Variants in LRRC37A2 observed in about 807,000 individuals in gnomAD.
The protein encoded by LRRC37A2 is leucine rich repeat containing 37 member A2.
LRRC37A2 carries 9 observed loss-of-function variants against 68.8 expected under a neutral mutation model. The observed-to-expected ratio is 0.13, with a 90% CI of 0.08 to 0.23. LRRC37A2 has a LOEUF of 0.23. LRRC37A2 is among the 10% of genes least tolerant of loss of function. The probability of loss-of-function intolerance (pLI) is 1.00; values close to 1 mark genes in which losing one functional copy is unlikely to be tolerated. For missense variants in LRRC37A2, 168 were observed against 950.4 expected (o/e 0.18, Z 10.82); for synonymous variants, 63 against 367.6 (o/e 0.17, Z 9.48).
At chr17:46,875,163 C>T in the LRRC37A2 span, 70 of 1,613,918 alleles carry the variant, frequency 4.3e-5, no homozygotes, top group Non-Finnish European at 5.5e-5. Flanking sequence ...CACCCTGGCC[C>T]GGGCCTGCAG....
the LRRC37A2 span, among the ~76,000 whole-genome samples, chr17:46,754,661 G>T: frequency 6.6e-6 from 1 of 152,146 alleles, no homozygotes; most frequent in Admixed American, 6.5e-5. Context: ...TAATAATAAC[G>T]ACCTGAACGA....
At chr17:47,026,447 A>G in the LRRC37A2 span, among the ~76,000 whole-genome samples, 1 of 152,122 alleles carries the variant, frequency 6.6e-6, no homozygotes, top group South Asian at 2.1e-4. Context: ...TCAGTTCTGG[A>G]CTCCACCCTC....
At chr17:46,810,029 A>G in the LRRC37A2 span, among the ~76,000 whole-genome samples, 12 of 131,714 alleles carry the variant, frequency 9.1e-5, no homozygotes, top group Non-Finnish European at 1.9e-4. Context: ...TTTTTGAGAC[A>G]GAGTGTTGGT....
At chr17:46,777,461 A>G in the LRRC37A2 span, among the ~76,000 whole-genome samples, 26 of 152,320 alleles carry the variant, frequency 1.7e-4, no homozygotes, top group African/African-American at 6.0e-4. Flanking sequence ...GCTCTGGCAC[A>G]CTGCCTGCAT....
chr17:46,707,066 G>A, the LRRC37A2 span, among the ~76,000 whole-genome samples: 1 of 151,842 alleles, frequency 6.6e-6, no homozygotes, highest in East Asian at 1.9e-4. Flanking sequence ...GGCTAGGCTG[G>A]TCTCGAACTC....
At chr17:46,767,063 G>C in the LRRC37A2 span, among the ~76,000 whole-genome samples, 5 of 152,026 alleles carry the variant, frequency 3.3e-5, no homozygotes, top group East Asian at 1.9e-4. Flanking sequence ...GACACACTAG[G>C]CTCCTTCTCA....
chr17:46,944,030 G>C, the LRRC37A2 span, among the ~76,000 whole-genome samples: 1 of 152,310 alleles, frequency 6.6e-6, no homozygotes, highest in South Asian at 2.1e-4. Context: ...TGGTTCCACT[G>C]GCCCTTCCTT....
chr17:46,493,572 T>C, the LRRC37A2 span, among the ~76,000 whole-genome samples: 1 of 145,460 alleles, frequency 6.9e-6, no homozygotes, highest in Non-Finnish European at 1.5e-5. Context: ...GGAGTCTCGC[T>C]GTGTCGCCAG....
the LRRC37A2 span, among the ~76,000 whole-genome samples, chr17:46,998,986 G>A: frequency 6.6e-6 from 1 of 152,190 alleles, no homozygotes; most frequent in African/African-American, 2.4e-5. Context: ...GTGAAGAGGT[G>A]GAGAGGGAAC....
At chr17:47,018,259 C>A in the LRRC37A2 span, 4 of 1,611,490 alleles carry the variant, frequency 2.5e-6, no homozygotes, top group Non-Finnish European at 3.4e-6. Flanking sequence ...CATGAACTTT[C>A]CATCAGTGAG....
chr17:46,501,271 G>T, the LRRC37A2 span, among the ~76,000 whole-genome samples: 2 of 151,042 alleles, frequency 1.3e-5, no homozygotes, highest in East Asian at 3.9e-4. Flanking sequence ...CGCCTCCCGG[G>T]TTCACGCGAT....
At chr17:46,852,916 A>G in the LRRC37A2 span, among the ~76,000 whole-genome samples, 1 of 152,098 alleles carries the variant, frequency 6.6e-6, no homozygotes, top group East Asian at 1.9e-4. Context: ...TGGTGGAAAC[A>G]TGTCTGGGCT....
the LRRC37A2 span, among the ~76,000 whole-genome samples, chr17:46,960,162 A>C: frequency 6.6e-6 from 1 of 152,224 alleles, no homozygotes; most frequent in African/African-American, 2.4e-5. Context: ...AAGCTCAACA[A>C]TAAGAAAACA....
the LRRC37A2 span, chr17:46,923,073 CA>C: frequency 1.4e-6 from 1 of 737,022 alleles, no homozygotes. Context: ...CGCGTGCGGG[CA>C]GCCCTGGCCG....
At chr17:46,413,498 A>ACACACACACACACACACACACACACG in the LRRC37A2 span, among the ~76,000 whole-genome samples, 5 of 19,282 alleles carry the variant, frequency 2.6e-4, no homozygotes, top group East Asian at 5.5e-3. Context: ...ACACACACAC[A>ACACACACACACACACACACACACACG]CACACACACA....
At chr17:46,781,698 T>C in the LRRC37A2 span, among the ~76,000 whole-genome samples, 1 of 152,154 alleles carries the variant, frequency 6.6e-6, no homozygotes, top group Non-Finnish European at 1.5e-5. Flanking sequence ...TGCCACTGAA[T>C]AGTACACTTT....
chr17:46,891,294 A>G, the LRRC37A2 span, among the ~76,000 whole-genome samples: 2 of 152,214 alleles, frequency 1.3e-5, no homozygotes, highest in African/African-American at 4.8e-5. Context: ...CATAGCCCAC[A>G]GGGCAGGCAG....
the LRRC37A2 span, among the ~76,000 whole-genome samples, chr17:46,920,956 G>A: frequency 6.6e-6 from 1 of 151,872 alleles, no homozygotes; most frequent in African/African-American, 2.4e-5. Flanking sequence ...ACCAATACAA[G>A]TAAAATAACT....
chr17:46,941,158 T>G, the LRRC37A2 span: 2 of 1,007,886 alleles, frequency 2.0e-6, no homozygotes, highest in Non-Finnish European at 2.4e-6. Flanking sequence ...ACATGGACAT[T>G]TACTTCAGGG....
Sources: allele counts gnomAD v4.1 joint callset (sites outside exome capture counted in the v4.1 genomes callset), GRCh38; gene constraint gnomAD v4.1.1; transcripts MANE v1.5; gene names NCBI Gene and HGNC (gene_info 2026-07-23, HGNC 2026-07-21).